The following CARMIL1 variants were observed in gnomAD, a reference collection of about 807,000 sequenced individuals.
CARMIL1 encodes the protein F-actin-uncapping protein LRRC16A.
Under a neutral mutation model 177.1 loss-of-function variants are expected in CARMIL1, and 90 were observed. The observed-to-expected ratio is 0.51, with a 90% CI of 0.43 to 0.61. The LOEUF (loss-of-function observed/expected upper bound fraction) is 0.61, where lower values mean the gene tolerates loss of function less well. CARMIL1 is among the 20% of genes least tolerant of loss of function. The pLI is 0.00. For synonymous variants in CARMIL1, 577 were observed against 606.2 expected, an observed-to-expected ratio of 0.95 and a Z score of 0.71; for missense variants, 1,380 against 1,667.0, an observed-to-expected ratio of 0.83 and a Z score of 3.00.
chr6:25,581,168 G>A, intron 30 of CARMIL1, 75 bp from the exon 31 acceptor site: 2 of 1,433,644 alleles, frequency 1.4e-6, no homozygotes, highest in Non-Finnish European at 1.9e-6. Context: ...ATTACTTTTA[G>A]GAATTTTTTA....
At chr6:25,610,450 T>C (rs979052906) in intron 36 of CARMIL1, among the ~76,000 whole-genome samples, 4 of 152,216 alleles carry the variant, frequency 2.6e-5, no homozygotes, top group Admixed American at 2.6e-4. Context: ...TAGATGCTTC[T>C]GAACTGACTT....
chr6:25,340,740 C>A (rs570930507), intron 2 of CARMIL1, among the ~76,000 whole-genome samples: 20 of 142,370 alleles, frequency 1.4e-4, no homozygotes, highest in African/African-American at 5.0e-4. Context: ...GTAGAAGAAA[C>A]CTCACAAAGG....
intron 2 of CARMIL1, among the ~76,000 whole-genome samples, chr6:25,336,557 A>G (rs1166332559): frequency 6.6e-6 from 1 of 152,178 alleles, no homozygotes; most frequent in Non-Finnish European, 1.5e-5. Flanking sequence ...ATAGTATTTA[A>G]GGTTGTTTTA....
intron 2 of CARMIL1, among the ~76,000 whole-genome samples, chr6:25,339,521 G>A (rs994899612): frequency 2.6e-5 from 4 of 152,162 alleles, no homozygotes; most frequent in African/African-American, 4.8e-5. Context: ...ATTCTTCCTT[G>A]TTTGGGTATT....
chr6:25,607,171 CA>C (rs1394861259), intron 35 of CARMIL1, among the ~76,000 whole-genome samples: 1 of 146,890 alleles, frequency 6.8e-6, no homozygotes, highest in Non-Finnish European at 1.5e-5. Context: ...ACCAAACAAA[CA>C]AAAAAACACA....
At chr6:25,612,931 A>G (rs2151339897) in intron 36 of CARMIL1, 1 of 979,588 alleles carries the variant, frequency 1.0e-6, no homozygotes, top group South Asian at 4.7e-5. Context: ...GAAGCTTATG[A>G]ACTGGCACTA....
intron 2 of CARMIL1, among the ~76,000 whole-genome samples, chr6:25,345,460 G>A (rs1787408358): frequency 6.6e-6 from 1 of 152,018 alleles, no homozygotes; most frequent in Admixed American, 6.5e-5. Context: ...CCTTCATCTG[G>A]CTGCCTGCTG....
intron 2 of CARMIL1, among the ~76,000 whole-genome samples, chr6:25,359,011 A>G (rs1376014229): frequency 2.0e-5 from 3 of 152,180 alleles, no homozygotes. Context: ...TCATCATTCT[A>G]TGTACAATGT....
chr6:25,563,258 A>T, intron 29 of CARMIL1: 2 of 985,456 alleles, frequency 2.0e-6, no homozygotes, highest in Non-Finnish European at 2.4e-6. Context: ...CGTTTCGTTT[A>T]TGTCAAAAAA....
At chr6:25,611,568 G>T (rs994426844) in intron 36 of CARMIL1, among the ~76,000 whole-genome samples, 2 of 152,224 alleles carry the variant, frequency 1.3e-5, no homozygotes, top group African/African-American at 4.8e-5. Context: ...CGTTGAAAAT[G>T]CCTGAAAGAG....
At chr6:25,474,218 C>T (rs1801322902) in intron 11 of CARMIL1, among the ~76,000 whole-genome samples, 1 of 151,914 alleles carries the variant, frequency 6.6e-6, no homozygotes, top group South Asian at 2.1e-4. Flanking sequence ...TGCCATTCTC[C>T]TGCCTCAGCC....
intron 26 of CARMIL1, among the ~76,000 whole-genome samples, chr6:25,543,545 A>G (rs1315485923): frequency 1.3e-5 from 2 of 152,258 alleles, no homozygotes; most frequent in East Asian, 1.9e-4. Flanking sequence ...ATGTTTTAAC[A>G]TAAGGAAACA....
intron 8 of CARMIL1, among the ~76,000 whole-genome samples, chr6:25,460,398 TATGCAAACTTGTTTGTCCC>T (rs1800020598): frequency 1.3e-5 from 2 of 152,328 alleles, no homozygotes; most frequent in Admixed American, 6.5e-5. Flanking sequence ...TTTTTTATTA[TATGCAAACTTGTTTGTCCC>T]ATGCAGGCCT....
intron 23 of CARMIL1, among the ~76,000 whole-genome samples, chr6:25,526,620 A>G (rs2151092971): frequency 6.6e-6 from 1 of 151,588 alleles, no homozygotes; most frequent in Non-Finnish European, 1.5e-5. Flanking sequence ...TGGTGCAGTC[A>G]TGGTTCACTA....
chr6:25,297,611 GA>G (rs927295383), intron 2 of CARMIL1, among the ~76,000 whole-genome samples: 14 of 152,296 alleles, frequency 9.2e-5, no homozygotes, highest in Admixed American at 4.6e-4. Flanking sequence ...TGGAGCAAAG[GA>G]AAGGCTATTA....
intron 3 of CARMIL1, among the ~76,000 whole-genome samples, chr6:25,424,086 C>T (rs1269943002): frequency 6.6e-6 from 1 of 152,134 alleles, no homozygotes. Context: ...AGACTTCCCT[C>T]CCCACTATTA....
chr6:25,452,067 C>T (rs775277449), intron 8 of CARMIL1: 1 of 592,306 alleles, frequency 1.7e-6, no homozygotes, highest in South Asian at 1.4e-5. Context: ...GCAGTGTGGT[C>T]CCTGAAGAGC....
At chr6:25,443,252 T>C (rs557903611) in intron 5 of CARMIL1, among the ~76,000 whole-genome samples, 188 of 152,356 alleles carry the variant, frequency 1.2e-3, no homozygotes, top group African/African-American at 4.4e-3. Flanking sequence ...TGTCTTGATG[T>C]AGACAGAATA....
In CARMIL1 at chr6:25,449,984, A is replaced by G; in HGVS notation, c.458A>G (p.Gln153Arg). Residue 153 changes from glutamine (Q) to arginine (R), a missense_variant, in exon 6 of 37, where the codon CAG (glutamine) becomes CGG (arginine). Gln to Arg is a conservative substitution (Grantham distance 43, BLOSUM62 1). Transcript: ENST00000329474. The part of the protein sequence containing the change: ...ALWDSQTVAE[Q>R]GPCGGFSQMY... Reference sequence around the variant, plus strand: ...TGGGACAGCCAGACCGTGGCTGAGCAGGGCCCCTGTGGTGAGCATGCATTT... The same window carrying G: ...TGGGACAGCCAGACCGTGGCTGAGCGGGGCCCCTGTGGTGAGCATGCATTT... The G allele has an allele frequency of 6.2e-7, 1 of 1,607,796 alleles. No individual in the cohort carries two copies. Among genetic ancestry groups the G allele is most frequent in the Non-Finnish European group, 8.5e-7 (1 of 1,176,994 alleles).
Sources: allele counts gnomAD v4.1 joint callset (sites outside exome capture counted in the v4.1 genomes callset), GRCh38; gene constraint gnomAD v4.1.1; transcripts MANE v1.5; gene names NCBI Gene and HGNC (gene_info 2026-07-23, HGNC 2026-07-21).